The following CACNA1S variants were observed in gnomAD, a reference collection of about 807,000 sequenced individuals.
CACNA1S encodes the protein voltage-dependent L-type calcium channel subunit alpha-1S.
A neutral mutation model predicts 207.4 loss-of-function variants in CACNA1S; 126 were observed. The observed-to-expected ratio is 0.61, with a 90% CI of 0.53 to 0.70. CACNA1S has a LOEUF of 0.70. CACNA1S is among the 30% of genes least tolerant of loss of function. The pLI is 0.00. For synonymous variants in CACNA1S, 960 were observed against 932.7 expected, an observed-to-expected ratio of 1.03 and a Z score of -0.53; for missense variants, 2,349 against 2,422.8, an observed-to-expected ratio of 0.97 and a Z score of 0.64.
chr1:201,047,459 T>A, intron 37 of CACNA1S, 66 bp downstream of exon 37: 3 of 1,410,454 alleles, frequency 2.1e-6, no homozygotes, highest in Non-Finnish European at 3.0e-6. Context: ...TGGGGCTCCT[T>A]GGAGAAGCTC....
At chr1:201,040,531 C>CA (rs1660123412) in intron 42 of CACNA1S, 91 bp downstream of exon 42, 2 of 1,431,728 alleles carry the variant, frequency 1.4e-6, no homozygotes, top group African/African-American at 2.8e-5. Context: ...ACATTGCTGC[C>CA]ACAGCCTTCC....
chr1:201,081,648 A>G (rs187832802), intron 10 of CACNA1S, among the ~76,000 whole-genome samples: 9 of 152,360 alleles, frequency 5.9e-5, no homozygotes, highest in Admixed American at 2.0e-4. Context: ...TCGTTTGGAT[A>G]GACAGCCCTG....
At chr1:201,064,950 G>T (rs1297858145) in intron 22 of CACNA1S, among the ~76,000 whole-genome samples, 1 of 152,264 alleles carries the variant, frequency 6.6e-6, no homozygotes, top group Non-Finnish European at 1.5e-5. Flanking sequence ...ACTGACGGAG[G>T]CGGAGTGTGG....
At chr1:201,073,458 C>T (rs1572045794) in intron 15 of CACNA1S, 91 bp downstream of exon 15, 1 of 1,083,302 alleles carries the variant, frequency 9.2e-7, no homozygotes, top group Non-Finnish European at 1.4e-6. Flanking sequence ...TACCTCCCCA[C>T]CCTACCCCAC....
intron 14 of CACNA1S, among the ~76,000 whole-genome samples, chr1:201,074,046 C>G (rs1661516451): frequency 6.6e-6 from 1 of 152,092 alleles, no homozygotes; most frequent in South Asian, 2.1e-4. Flanking sequence ...AATGGGTGTC[C>G]CATTCCTGTA....
In CACNA1S at chr1:201,046,187, T is replaced by C. The variant is rs142888742; in HGVS notation, c.4668+928A>G. ...ATTTATTTATTTATTATTTATTTAT[T>C]TATCTATCTTTTGAGATGGAGTCTT... On this transcript the variant is annotated intron_variant, in intron 38 of 43. Coordinates refer to ENST00000362061, the MANE Select transcript of CACNA1S (RefSeq NM_000069.3). Among the ~76,000 whole-genome samples the C allele has an allele frequency of 2.8e-3, 432 of 151,964 alleles. 1 individual carries two copies. Among genetic ancestry groups the C allele is most frequent in the Middle Eastern group, 0.01 (3 of 294 alleles).
intron 40 of CACNA1S, chr1:201,042,990 A>C (rs1208967579): frequency 9.8e-6 from 4 of 407,180 alleles, no homozygotes; most frequent in Admixed American, 3.6e-5. Context: ...CTCCTAACCT[A>C]TCATGTGTTC....
intron 26 of CACNA1S, 54 bp from the exon 27 acceptor site, chr1:201,059,353 G>A (rs908867363): frequency 1.8e-6 from 2 of 1,129,468 alleles, no homozygotes; most frequent in Non-Finnish European, 2.7e-6. Context: ...TGCCCACCCT[G>A]TAGATTGCAT....
intron 12 of CACNA1S, 112 bp from the exon 13 acceptor site, chr1:201,075,727 C>T: frequency 8.2e-7 from 1 of 1,226,830 alleles, no homozygotes; most frequent in Non-Finnish European, 1.2e-6. Context: ...TCAGACCTTC[C>T]CTCTTTTCAT....
intron 5 of CACNA1S, among the ~76,000 whole-genome samples, chr1:201,090,999 T>C (rs1422725243): frequency 6.6e-6 from 1 of 152,216 alleles, no homozygotes; most frequent in African/African-American, 2.4e-5. Context: ...AAATTAATAT[T>C]GTGACATGTT....
chr1:201,046,517 A>ATCAC (rs1400700412), intron 38 of CACNA1S, among the ~76,000 whole-genome samples: 4 of 150,292 alleles, frequency 2.7e-5, no homozygotes, highest in African/African-American at 9.8e-5. Context: ...CCCTTCATGG[A>ATCAC]TCACCTTTCT....
chr1:201,107,854 A>G (rs1558089538), intron 2 of CACNA1S, among the ~76,000 whole-genome samples: 1 of 152,190 alleles, frequency 6.6e-6, no homozygotes, highest in Non-Finnish European at 1.5e-5. Context: ...TCAGGTTAGG[A>G]GTCCTCACTG....
At position 201,102,022 on chromosome 1, in the gene CACNA1S, C is replaced by T. The variant is rs527346614; in HGVS notation, c.259-8001G>A. On this transcript the variant is annotated intron_variant, in intron 2 of 43. Transcript: ENST00000362061. ...GGATGTGTGTGAAGAAGACGGTAGT[C>T]CCCTGGCCTGGGAGTAAACTCTAGA... is the stretch of plus-strand genomic sequence containing the variant. Among the ~76,000 whole-genome samples, 4 of 152,318 alleles carry T rather than the reference C, an allele frequency of 2.6e-5. No homozygotes were observed. In the East Asian group the frequency reaches 5.8e-4, roughly 22 times the overall value.
intron 2 of CACNA1S, among the ~76,000 whole-genome samples, chr1:201,102,996 G>A (rs1369279851): frequency 6.6e-5 from 10 of 152,180 alleles, no homozygotes; most frequent in Non-Finnish European, 1.3e-4. Context: ...TCAGACACGA[G>A]GTTGTTGCAC....
intron 11 of CACNA1S, among the ~76,000 whole-genome samples, chr1:201,077,658 T>C (rs1661677576): frequency 6.6e-6 from 1 of 152,116 alleles, no homozygotes. Context: ...TGCCCTGCCA[T>C]AGACTATGGT....
Position 201,058,350 on chromosome 1 carries a change from G to A in CACNA1S, c.3609+58C>T, listed in dbSNP as rs1378226723. On this transcript the variant is annotated intron_variant, in intron 28 of 43. Transcript: ENST00000362061. ...AGTGGGCACCCCACAAATATCTGTG[G>A]ATTGAACACATGCTCTTGGGCCCAC... 4.1e-5 allele frequency: 59 copies of A among 1,426,284 alleles called. 1 individual carries two copies. Among genetic ancestry groups the A allele is most frequent in the Middle Eastern group, 1.8e-4 (1 of 5,702 alleles). The allele number at this position is 1,426,284 out of a possible 1,614,324, so 88.4% of individuals were successfully genotyped here.
At position 201,041,587 on chromosome 1, in the gene CACNA1S, A is replaced by G. The variant is rs1477707683; in HGVS notation, c.5051T>C (p.Val1684Ala). ...TTCTGGGAACTCCCTTTCATAGTGG[A>G]CACTGAAATGGAAGCAAGGCTGGGT... ...NHSNSHVFSS[V>A]HYEREFPEET... Residue 1684 changes from valine to alanine, a missense_variant and splice_region_variant, in exon 41 of 44, where the codon GTC becomes GCC. Val to Ala is a moderately conservative substitution (Grantham distance 64). Coordinates refer to ENST00000362061, the MANE Select transcript of CACNA1S (RefSeq NM_000069.3). 1.9e-5 allele frequency: 30 copies of G among 1,612,496 alleles called. No homozygotes were observed. Among genetic ancestry groups the G allele is most frequent in the Non-Finnish European group, 2.5e-5 (30 of 1,178,590 alleles).
In CACNA1S at chr1:201,061,439, G is replaced by C. The variant is rs751604155; in HGVS notation, c.3083C>G (p.Ala1028Gly). 6.2e-7 allele frequency: 1 copy of C among 1,614,202 alleles called. No individual in the cohort carries two copies. The highest frequency in any genetic ancestry group is 8.5e-7 in the Non-Finnish European group (1 of 1,180,026). The part of the protein sequence containing the change: ...QLLYKAIDSN[A>G]EDVGPIYNNR... ...GTTGTAGATGGGACCCACGTCCTCCGCATTGGAGTCTATGGCCTTGTACAG... is the reference window on the plus strand; with the variant it reads ...GTTGTAGATGGGACCCACGTCCTCCCCATTGGAGTCTATGGCCTTGTACAG... The change falls in exon 25 of 44, where the codon GCG becomes GGG. Residue 1028 changes from alanine to glycine, a missense_variant. Physicochemically the swap from Ala to Gly is moderately conservative, Grantham distance 60. Transcript: ENST00000362061.
intron 38 of CACNA1S, among the ~76,000 whole-genome samples, chr1:201,046,174 A>ATTTATTTATTTAT (rs10681450): frequency 2.1e-4 from 25 of 120,496 alleles, no homozygotes; most frequent in South Asian, 4.7e-4. Flanking sequence ...TTATTTATTT[A>ATTTATTTATTTAT]TTATTTATTT....
Sources: allele counts gnomAD v4.1 joint callset (sites outside exome capture counted in the v4.1 genomes callset), GRCh38; gene constraint gnomAD v4.1.1; transcripts MANE v1.5; gene names NCBI Gene and HGNC (gene_info 2026-07-23, HGNC 2026-07-21).